COL19A1: variants seen among roughly 807,000 people sequenced by gnomAD.
COL19A1 encodes collagen type XIX alpha 1 chain.
Under a neutral mutation model 190.2 loss-of-function variants are expected in COL19A1, and 159 were observed. The observed-to-expected ratio is 0.84, with a 90% confidence interval of 0.73 to 0.95. COL19A1 has a LOEUF of 0.95. Ranked by LOEUF, COL19A1 falls within the 40% of genes least tolerant of loss-of-function variation. The pLI is 0.00. For synonymous variants in COL19A1, 509 were observed against 458.9 expected, an observed-to-expected ratio of 1.11 and a Z score of -1.39; for missense variants, 1,418 against 1,431.9, an observed-to-expected ratio of 0.99 and a Z score of 0.16.
intron 15 of COL19A1, among the ~76,000 whole-genome samples, chr6:70,101,671 T>A (rs1475153694): frequency 6.6e-6 from 1 of 152,146 alleles, no homozygotes; most frequent in Admixed American, 6.6e-5. Flanking sequence ...AAAATGCAGA[T>A]TCGTGGCTCC....
At chr6:70,124,909 C>T (rs1367150993) in intron 17 of COL19A1, among the ~76,000 whole-genome samples, 2 of 152,266 alleles carry the variant, frequency 1.3e-5, no homozygotes, top group South Asian at 2.1e-4. Context: ...ACCAAGGCCC[C>T]ACCAAGAAGG....
chr6:70,120,646 C>T (rs553560637), intron 16 of COL19A1, among the ~76,000 whole-genome samples: 2 of 152,270 alleles, frequency 1.3e-5, no homozygotes, highest in South Asian at 2.1e-4. Context: ...GTAACAGCAT[C>T]GTTTGTCTTT....
At chr6:69,880,808 T>TA (rs1348093409) in intron 2 of COL19A1, among the ~76,000 whole-genome samples, 1 of 152,186 alleles carries the variant, frequency 6.6e-6, no homozygotes, top group African/African-American at 2.4e-5. Context: ...TACAACTATG[T>TA]AAAAAAGGAA....
intron 40 of COL19A1, among the ~76,000 whole-genome samples, chr6:70,170,112 TTGAG>T (rs748819613): frequency 2.0e-5 from 3 of 152,076 alleles, no homozygotes; most frequent in East Asian, 1.9e-4. Flanking sequence ...GAGATGTGAA[TTGAG>T]TGAGTGAAGC....
At chr6:69,993,271 A>G (rs952271962) in intron 11 of COL19A1, among the ~76,000 whole-genome samples, 2 of 152,136 alleles carry the variant, frequency 1.3e-5, no homozygotes, top group South Asian at 2.1e-4. Flanking sequence ...AGTGATTTGC[A>G]TAGGTTGAAC....
chr6:70,059,738 T>G (rs770362137), intron 14 of COL19A1: 2 of 519,496 alleles, frequency 3.8e-6, no homozygotes, highest in Admixed American at 4.1e-5. Context: ...TATGTAGACC[T>G]ATGCAGATGT....
At chr6:70,158,657 A>G (rs1377491647) in intron 34 of COL19A1, among the ~76,000 whole-genome samples, 3 of 152,066 alleles carry the variant, frequency 2.0e-5, no homozygotes, top group African/African-American at 7.2e-5. Flanking sequence ...TCTTCCTATA[A>G]TATCTTGGGA....
intron 14 of COL19A1, among the ~76,000 whole-genome samples, chr6:70,063,051 T>G (rs1239155285): frequency 1.3e-5 from 2 of 152,180 alleles, no homozygotes; most frequent in Non-Finnish European, 2.9e-5. Flanking sequence ...AACACCCCAC[T>G]GTCAACATTA....
chr6:69,979,011 T>C lies in COL19A1; in HGVS notation c.1026+16141T>C, dbSNP rs75947001. 3.6e-3 allele frequency among the ~76,000 whole-genome samples: 551 copies of C among 151,864 alleles called. 2 individuals are homozygous for C. The highest frequency in any genetic ancestry group is 0.013 in the African/African-American group (537 of 41,492). On this transcript the variant is annotated intron_variant, in intron 11 of 50. Coordinates refer to ENST00000620364, the MANE Select transcript of COL19A1 (RefSeq NM_001858.6). The stretch of plus-strand genomic sequence containing the variant: ...AAATGGATGATTTCCTCAAAAAATA[T>C]AAAAAATTGACCAAGAATAACTGGA...
At chr6:69,997,032 G>T (rs200263172) in intron 11 of COL19A1, among the ~76,000 whole-genome samples, 13,036 of 135,020 alleles carry the variant, frequency 0.097, 1,082 homozygotes, top group African/African-American at 0.27. Flanking sequence ...TATATAGAGA[G>T]AGAGAGAGAG....
At chr6:70,005,055 A>G (rs186577120) in intron 11 of COL19A1, among the ~76,000 whole-genome samples, 176 of 152,030 alleles carry the variant, frequency 1.2e-3, no homozygotes, top group Non-Finnish European at 2.1e-3. Context: ...GATGGTCTCG[A>G]TCTCCTAACT....
chr6:70,033,099 G>T (rs1779158971), intron 12 of COL19A1, among the ~76,000 whole-genome samples: 1 of 152,084 alleles, frequency 6.6e-6, no homozygotes, highest in Non-Finnish European at 1.5e-5. Context: ...AGGCATTTAT[G>T]CAACTAGAAG....
At chr6:69,977,557 A>T (rs1369540650) in intron 11 of COL19A1, among the ~76,000 whole-genome samples, 1 of 152,000 alleles carries the variant, frequency 6.6e-6, no homozygotes, top group Admixed American at 6.6e-5. Context: ...GTACCCTAAA[A>T]CTTAAAGTAT....
chr6:70,174,122 A>G (rs555918947), intron 41 of COL19A1, among the ~76,000 whole-genome samples: 8 of 152,324 alleles, frequency 5.3e-5, no homozygotes, highest in Middle Eastern at 3.4e-3. Context: ...TCAGATAAAG[A>G]GGAAGCAAGG....
intron 15 of COL19A1, among the ~76,000 whole-genome samples, chr6:70,096,890 T>G (rs557149771): frequency 2.6e-5 from 4 of 152,258 alleles, no homozygotes; most frequent in African/African-American, 9.6e-5. Context: ...GCCAAGCAGG[T>G]GGCACACACC....
At chr6:70,005,655 C>T (rs116613599) in intron 11 of COL19A1, among the ~76,000 whole-genome samples, 7,547 of 152,202 alleles carry the variant, frequency 0.05, 622 homozygotes, top group African/African-American at 0.17. Flanking sequence ...GGGAACAGGA[C>T]CTATTTAATG....
At chr6:70,053,188 T>C (rs898935926) in intron 14 of COL19A1, among the ~76,000 whole-genome samples, 5 of 152,230 alleles carry the variant, frequency 3.3e-5, no homozygotes, top group African/African-American at 1.2e-4. Context: ...TTGCTTGTTA[T>C]GGTTCTGTAA....
At chr6:70,025,929 G>A (rs532484623) in intron 12 of COL19A1, among the ~76,000 whole-genome samples, 1 of 152,346 alleles carries the variant, frequency 6.6e-6, no homozygotes, top group African/African-American at 2.4e-5. Context: ...AGCCCAACAT[G>A]TTGACCGTTC....
At chr6:70,136,419 G>C (rs1262100293) in intron 18 of COL19A1, among the ~76,000 whole-genome samples, 2 of 152,054 alleles carry the variant, frequency 1.3e-5, no homozygotes, top group Non-Finnish European at 2.9e-5. Flanking sequence ...ATAAACGCTG[G>C]TTTATTAACA....
Sources: allele counts gnomAD v4.1 joint callset (sites outside exome capture counted in the v4.1 genomes callset), GRCh38; gene constraint gnomAD v4.1.1; transcripts MANE v1.5; gene names NCBI Gene and HGNC (gene_info 2026-07-23, HGNC 2026-07-21).